Variants in TSHZ3 observed in about 807,000 individuals in gnomAD.
TSHZ3 encodes teashirt homolog 3.
Under a neutral mutation model 64.5 loss-of-function variants are expected in TSHZ3, and 10 were observed. The ratio of observed to expected loss-of-function variants is 0.16; its 90% CI spans 0.10 to 0.26. The LOEUF (loss-of-function observed/expected upper bound fraction) is 0.26, where lower values mean the gene tolerates loss of function less well. TSHZ3 is among the 10% of genes least tolerant of loss of function. TSHZ3 has a pLI of 1.00. For missense variants in TSHZ3, 1,242 were observed against 1,421.7 expected (o/e 0.87, Z 2.03); for synonymous variants, 608 against 593.1 (o/e 1.03, Z -0.36).
intron 3 of TSHZ3, among the ~76,000 whole-genome samples, chr19:31,238,735 T>C (rs1462537342): frequency 6.6e-6 from 1 of 152,226 alleles, no homozygotes; most frequent in Non-Finnish European, 1.5e-5. Flanking sequence ...TTGTTTGCAT[T>C]GCATGTTTTA....
intron 4 of TSHZ3, among the ~76,000 whole-genome samples, chr19:31,223,749 G>T (rs57013184): frequency 0.017 from 2,640 of 152,252 alleles, 75 homozygotes; most frequent in African/African-American, 0.059. Context: ...TATGGAAAGT[G>T]GGGGGAATGC....
intron 5 of TSHZ3, among the ~76,000 whole-genome samples, chr19:31,183,475 C>T (rs924703199): frequency 6.6e-6 from 1 of 152,136 alleles, no homozygotes; most frequent in Non-Finnish European, 1.5e-5. Flanking sequence ...ACTAGCCAGA[C>T]ATGGCAAAAA....
upstream of TSHZ3, chr19:31,349,496 AGGAGGAGGT>A (rs1785543453): frequency 8.9e-6 from 3 of 338,116 alleles, no homozygotes; most frequent in South Asian, 2.1e-4. Context: ...GAGGCAGAGG[AGGAGGAGGT>A]GGAGGAGGAG....
intron 1 of TSHZ3, among the ~76,000 whole-genome samples, chr19:31,306,119 G>A (rs1345895151): frequency 1.3e-5 from 2 of 152,198 alleles, no homozygotes; most frequent in South Asian, 2.1e-4. Flanking sequence ...ACGCACAGGT[G>A]TGCCCTCCCC....
rs1442508810 is a variant in TSHZ3, at chr19:31,176,984, G to C, written n.810-20567C>G. Among the ~76,000 whole-genome samples, 3 of 152,294 alleles carry C rather than the reference G, an allele frequency of 2.0e-5. No individual in the cohort carries two copies. In the East Asian group the frequency reaches 5.8e-4, roughly 29 times the overall value. On this transcript the variant is annotated intron_variant and non_coding_transcript_variant, in intron 5 of 6. Coordinates refer to the TSHZ3 transcript ENST00000651361. Reference sequence around the variant, plus strand: ...TGGGAAAACTGGCAGTATCTACCATGTGTACCCTCCATCCTGGCAATGCCA... The same window carrying C: ...TGGGAAAACTGGCAGTATCTACCATCTGTACCCTCCATCCTGGCAATGCCA...
At chr19:31,241,106 T>C (rs571116500) in intron 3 of TSHZ3, among the ~76,000 whole-genome samples, 1 of 152,318 alleles carries the variant, frequency 6.6e-6, no homozygotes, top group African/African-American at 2.4e-5. Context: ...ACACCACAGA[T>C]TATATGTGGT....
At chr19:31,294,188 G>A (rs116838678) in intron 1 of TSHZ3, among the ~76,000 whole-genome samples, 1,959 of 152,256 alleles carry the variant, frequency 0.013, 51 homozygotes, top group African/African-American at 0.045. Context: ...ATGACTAAGT[G>A]ACCTTCTTAA....
At chr19:31,238,018 A>G (rs1330953625) in intron 3 of TSHZ3, among the ~76,000 whole-genome samples, 2 of 152,328 alleles carry the variant, frequency 1.3e-5, no homozygotes, top group East Asian at 3.9e-4. Context: ...CTAGAATATT[A>G]GCTATTTTGG....
intron 1 of TSHZ3, among the ~76,000 whole-genome samples, chr19:31,315,438 G>T (rs941415942): frequency 1.3e-5 from 2 of 152,140 alleles, no homozygotes; most frequent in Non-Finnish European, 2.9e-5. Flanking sequence ...ACTCCTGGGG[G>T]CGGGGTGCTG....
intron 1 of TSHZ3, among the ~76,000 whole-genome samples, chr19:31,265,019 T>C (rs1489505734): frequency 6.6e-6 from 1 of 152,054 alleles, no homozygotes. Context: ...AAGGTCAGCA[T>C]GGCCCACCCT....
intron 1 of TSHZ3, among the ~76,000 whole-genome samples, chr19:31,255,575 G>A (rs745734897): frequency 2.0e-5 from 3 of 152,082 alleles, no homozygotes; most frequent in Non-Finnish European, 2.9e-5. Flanking sequence ...CCCATTCAAA[G>A]CCACACCACG....
At chr19:31,219,551 A>G (rs1006786225) in intron 4 of TSHZ3, among the ~76,000 whole-genome samples, 1 of 152,190 alleles carries the variant, frequency 6.6e-6, no homozygotes, top group African/African-American at 2.4e-5. Context: ...TCCTTGTCCA[A>G]TACAATAGCC....
chr19:31,226,247 T>C (rs1391722991), intron 4 of TSHZ3, among the ~76,000 whole-genome samples: 1 of 152,126 alleles, frequency 6.6e-6, no homozygotes, highest in Non-Finnish European at 1.5e-5. Flanking sequence ...TTTGATATGG[T>C]TTCTGTGTCC....
chr19:31,323,921 G>A (rs1233226493), intron 1 of TSHZ3, among the ~76,000 whole-genome samples: 1 of 120,954 alleles, frequency 8.3e-6, no homozygotes, highest in Non-Finnish European at 1.9e-5. Flanking sequence ...CACACACAGT[G>A]CATTGCAGGA....
At chr19:31,272,607 T>G (rs968340796), downstream of TSHZ3, among the ~76,000 whole-genome samples, 3 of 152,224 alleles carry the variant, frequency 2.0e-5, no homozygotes, top group Non-Finnish European at 1.5e-5. Flanking sequence ...CTGATATTTT[T>G]GCTAAATGTT....
intron 5 of TSHZ3, among the ~76,000 whole-genome samples, chr19:31,194,912 C>G (rs778925976): frequency 5.9e-5 from 9 of 152,056 alleles, no homozygotes; most frequent in Non-Finnish European, 1.3e-4. Context: ...AAAAGAAATG[C>G]TGGAGATAAA....
intron 1 of TSHZ3, among the ~76,000 whole-genome samples, chr19:31,302,084 A>C (rs1373664339): frequency 3.3e-5 from 5 of 152,130 alleles, no homozygotes; most frequent in Non-Finnish European, 7.4e-5. Flanking sequence ...GCCCTTACAT[A>C]AAGTTTGTAA....
intron 5 of TSHZ3, among the ~76,000 whole-genome samples, chr19:31,168,213 G>A (rs1974483409): frequency 6.6e-6 from 1 of 152,088 alleles, no homozygotes. Flanking sequence ...TATTATCCAA[G>A]ATGTGATCTT....
chr19:31,243,025 T>C (rs1354168209), intron 1 of TSHZ3, among the ~76,000 whole-genome samples: 2 of 152,156 alleles, frequency 1.3e-5, no homozygotes, highest in African/African-American at 4.8e-5. Flanking sequence ...AGAAATACAC[T>C]CACAGATGCA....
Sources: gnomAD v4.1 joint callset for allele counts (sites outside exome capture counted in the v4.1 genomes callset) on GRCh38, gnomAD v4.1.1 for gene constraint, MANE v1.5 for transcripts, NCBI Gene and HGNC (gene_info 2026-07-23, HGNC 2026-07-21) for gene names.